Variants in MMP16 observed in about 807,000 individuals in gnomAD.
MMP16 encodes the protein matrix metalloproteinase-16.
In MMP16, 12 loss-of-function variants were observed where a neutral mutation model predicts 67.8. The observed-to-expected ratio is 0.18, with a 90% confidence interval of 0.11 to 0.29. The LOEUF is 0.29. Ranked by LOEUF, MMP16 falls within the 10% of genes least tolerant of loss-of-function variation. The pLI, the probability that MMP16 is intolerant of heterozygous loss-of-function variation, is 1.00. For synonymous variants in MMP16, 249 were observed against 255.9 expected (o/e 0.97, Z 0.26); for missense variants, 475 against 765.7 (o/e 0.62, Z 4.48).
chr8:88,187,806 C>A (rs1363579410), intron 2 of MMP16, among the ~76,000 whole-genome samples: 2 of 152,102 alleles, frequency 1.3e-5, no homozygotes, highest in African/African-American at 2.4e-5. Flanking sequence ...TTATTCTGAC[C>A]CCAGTAATGT....
chr8:88,199,224 G>C (rs1170358160), intron 1 of MMP16, among the ~76,000 whole-genome samples: 3 of 152,012 alleles, frequency 2.0e-5, no homozygotes, highest in Non-Finnish European at 2.9e-5. Flanking sequence ...CTTATGTACA[G>C]ATAGAGGAAC....
At chr8:88,112,118 T>A (rs1309971614) in intron 6 of MMP16, among the ~76,000 whole-genome samples, 4 of 151,802 alleles carry the variant, frequency 2.6e-5, no homozygotes, top group Middle Eastern at 6.8e-3. Flanking sequence ...ACCTTTCTAG[T>A]TCTAGTGTAA....
intron 6 of MMP16, among the ~76,000 whole-genome samples, chr8:88,096,657 T>A (rs958910480): frequency 6.6e-5 from 10 of 151,934 alleles, no homozygotes; most frequent in African/African-American, 2.4e-4. Flanking sequence ...CTAAAGCCAG[T>A]CCCTGTCAGG....
At chr8:88,131,768 AAC>A (rs1025553578) in intron 4 of MMP16, among the ~76,000 whole-genome samples, 2 of 151,862 alleles carry the variant, frequency 1.3e-5, no homozygotes, top group African/African-American at 4.8e-5. Context: ...TCCCCTAACA[AAC>A]CATAATAATT....
intron 1 of MMP16, among the ~76,000 whole-genome samples, chr8:88,302,852 C>T (rs563351657): frequency 3.3e-5 from 5 of 152,100 alleles, no homozygotes; most frequent in Admixed American, 1.3e-4. Flanking sequence ...GCAAATAGCT[C>T]GACCCATAGA....
rs1808022305 is a variant in MMP16, at chr8:88,034,131, T to G, written c.*7330A>C. The G allele has an allele frequency of 6.6e-6, 1 of 151,920 alleles. No homozygotes were observed. Among genetic ancestry groups the G allele is most frequent in the East Asian group, 1.9e-4 (1 of 5,156 alleles). The allele number at this position is 151,920 out of a possible 1,614,324, so 9.4% of individuals were successfully genotyped here. A position where few individuals can be genotyped will look rare whatever the true frequency, so the allele number is the denominator to read the frequency against. ...GCTGGGACTGTCTTTGCATGGAAGT[T>G]TTGACGAAAAATACTGAGGAACAAA... On this transcript the variant is annotated 3_prime_UTR_variant, in exon 10 of 10. Transcript: ENST00000286614.
At position 88,300,719 on chromosome 8, in the gene MMP16, T is replaced by C. The variant is rs1389590356; in HGVS notation, c.132+26356A>G. ...TTTCAGGCATCTACTAGGGAACTTA[T>C]CCCATGAAGACAAGGGGATACTGCT... On this transcript the variant is annotated intron_variant, in intron 1 of 9. Transcript: ENST00000286614. 2.0e-5 allele frequency among the ~76,000 whole-genome samples: 3 copies of C among 152,274 alleles called. No individual in the cohort carries two copies. In the South Asian group the frequency reaches 6.2e-4, roughly 32 times the overall value.
At chr8:88,119,581 G>A (rs1041748255) in intron 4 of MMP16, among the ~76,000 whole-genome samples, 2 of 151,948 alleles carry the variant, frequency 1.3e-5, no homozygotes, top group African/African-American at 4.8e-5. Context: ...AACTTGTACA[G>A]TGAAATCTAT....
chr8:88,325,063 T>G (rs1811516134), intron 1 of MMP16, among the ~76,000 whole-genome samples: 1 of 152,210 alleles, frequency 6.6e-6, no homozygotes, highest in Non-Finnish European at 1.5e-5. Flanking sequence ...GGCTTAAATC[T>G]GTGTAATAAA....
chr8:88,258,490 C>T (rs1810339531), intron 1 of MMP16, among the ~76,000 whole-genome samples: 1 of 152,118 alleles, frequency 6.6e-6, no homozygotes, highest in Non-Finnish European at 1.5e-5. Flanking sequence ...CTCATTCTCC[C>T]CTAAATATCC....
intron 6 of MMP16, among the ~76,000 whole-genome samples, chr8:88,104,743 G>T (rs2118390443): frequency 6.6e-6 from 1 of 151,588 alleles, no homozygotes. Flanking sequence ...CCTTCGGGAG[G>T]TATTCCACTG....
At chr8:88,170,055 C>CGTA (rs1298126727) in intron 3 of MMP16, among the ~76,000 whole-genome samples, 1 of 151,962 alleles carries the variant, frequency 6.6e-6, no homozygotes, top group Admixed American at 6.6e-5. Context: ...AGGTTGGTAC[C>CGTA]AGTAGAGATT....
rs545553608 is a variant in MMP16, at chr8:88,035,962, A to T, written c.*5499T>A. On this transcript the variant is annotated 3_prime_UTR_variant, in exon 10 of 10. Coordinates refer to ENST00000286614, the MANE Select transcript of MMP16 (RefSeq NM_005941.5). This position sits in a 1 kb window ranked among gnomAD's most constrained non-coding sequence, Gnocchi z 4.7. ...ACACCAGTGGAAAAAGTGGAAAATG[A>T]TTTCAGAAGTACATGAAAGACAAAG... The T allele has an allele frequency of 6.6e-6, 1 of 151,970 alleles. No homozygotes were observed. The highest frequency in any genetic ancestry group is 1.5e-5 in the Non-Finnish European group (1 of 67,876). The allele number at this position is 151,970 out of a possible 1,614,324, so 9.4% of individuals were successfully genotyped here.
chr8:88,076,178 C>G (rs905881214), intron 6 of MMP16, among the ~76,000 whole-genome samples: 6 of 152,052 alleles, frequency 3.9e-5, no homozygotes, highest in Admixed American at 1.3e-4. Flanking sequence ...AGCTCATATG[C>G]AATTCTTGTT....
At position 88,208,001 on chromosome 8, in the gene MMP16, A is replaced by G. The variant is rs1288258794; in HGVS notation, c.133-10695T>C. 2.6e-5 allele frequency among the ~76,000 whole-genome samples: 4 copies of G among 152,340 alleles called. No homozygotes were observed. The South Asian group carries it at 8.3e-4, about 32-fold the overall frequency. On this transcript the variant is annotated intron_variant, in intron 1 of 9. Transcript: ENST00000286614. ...AATTTTAGAAAAAGGTTTGGCTTAC[A>G]AAATGTCAAAATAACAGGATAAGTA...
chr8:88,096,323 T>C (rs1809025943), intron 6 of MMP16, among the ~76,000 whole-genome samples: 1 of 152,104 alleles, frequency 6.6e-6, no homozygotes, highest in East Asian at 1.9e-4. Context: ...TTTTAGATAA[T>C]ATATCTTCAG....
intron 1 of MMP16, among the ~76,000 whole-genome samples, chr8:88,276,780 C>G (rs972063820): frequency 1.3e-5 from 2 of 151,898 alleles, no homozygotes; most frequent in Non-Finnish European, 2.9e-5. Context: ...AATAAGAGAA[C>G]CCGAGTAAGA....
chr8:88,060,745 G>C (rs534745637), intron 7 of MMP16, among the ~76,000 whole-genome samples: 3 of 151,974 alleles, frequency 2.0e-5, no homozygotes, highest in East Asian at 1.9e-4. Context: ...AATAACTTGA[G>C]GAAAAACACT....
chr8:88,319,073 C>T (rs1038968755), intron 1 of MMP16, among the ~76,000 whole-genome samples: 1 of 152,056 alleles, frequency 6.6e-6, no homozygotes, highest in African/African-American at 2.4e-5. Context: ...ACATAAATGG[C>T]CCAAACAAGG....
Sources: allele counts gnomAD v4.1 joint callset (sites outside exome capture counted in the v4.1 genomes callset), GRCh38; gene constraint gnomAD v4.1.1; non-coding constraint Gnocchi (gnomAD v3.1); transcripts MANE v1.5; gene names NCBI Gene and HGNC (gene_info 2026-07-23, HGNC 2026-07-21).